Variants in PRIM2 observed in about 807,000 individuals in gnomAD.
PRIM2 encodes DNA primase subunit 2.
Under a neutral mutation model 67.3 loss-of-function variants are expected in PRIM2, and 39 were observed. That is an observed-to-expected ratio of 0.58 (90% CI 0.45 to 0.76). PRIM2 has a LOEUF of 0.76. Ranked by LOEUF, PRIM2 falls within the 30% of genes least tolerant of loss-of-function variation. PRIM2 has a pLI of 0.00. For synonymous variants in PRIM2, 143 were observed against 198.7 expected, an observed-to-expected ratio of 0.72 and a Z score of 2.36; for missense variants, 398 against 598.7, an observed-to-expected ratio of 0.66 and a Z score of 3.50.
intron 13 of PRIM2, among the ~76,000 whole-genome samples, chr6:57,638,479 C>T (rs1440899013): frequency 6.7e-6 from 1 of 148,360 alleles, no homozygotes; most frequent in Non-Finnish European, 1.5e-5. Context: ...AGTCAAGACC[C>T]ATCGGTGTGC....
At chr6:57,310,787 G>A (rs945920194), upstream of PRIM2, among the ~76,000 whole-genome samples, 15 of 149,474 alleles carry the variant, frequency 1.0e-4, no homozygotes, top group South Asian at 2.1e-4. Flanking sequence ...GACAAAGAGC[G>A]GCCAGGCAGA....
At chr6:57,288,489 C>T in the PRIM2 span, among the ~76,000 whole-genome samples, 1 of 152,200 alleles carries the variant, frequency 6.6e-6, no homozygotes, top group African/African-American at 2.4e-5. Flanking sequence ...CAGACTGCCT[C>T]CTCAAGTGGG....
At chr6:57,370,693 C>CTTTTTT (rs66953171) in intron 5 of PRIM2, among the ~76,000 whole-genome samples, 3 of 122,000 alleles carry the variant, frequency 2.5e-5, no homozygotes, top group Non-Finnish European at 5.0e-5. Flanking sequence ...CTATCTATAG[C>CTTTTTT]TTTTTTTTTT....
At chr6:57,485,841 G>A (rs1347021344) in intron 7 of PRIM2, among the ~76,000 whole-genome samples, 1 of 152,184 alleles carries the variant, frequency 6.6e-6, no homozygotes, top group Admixed American at 6.5e-5. Context: ...CAGGGTCACA[G>A]TTAAACAAGC....
chr6:57,339,617 A>G (rs1257767477), intron 5 of PRIM2, among the ~76,000 whole-genome samples: 2 of 152,186 alleles, frequency 1.3e-5, no homozygotes, highest in Admixed American at 6.5e-5. Context: ...AGGATTCCCT[A>G]TTTAATAAAT....
chr6:57,254,458 G>A, the PRIM2 span, among the ~76,000 whole-genome samples: 1 of 152,132 alleles, frequency 6.6e-6, no homozygotes, highest in African/African-American at 2.4e-5. Context: ...TGGCAGGCCG[G>A]GTCTCACTAA....
chr6:57,372,255 C>T (rs1436874736), intron 5 of PRIM2, among the ~76,000 whole-genome samples: 1 of 152,174 alleles, frequency 6.6e-6, no homozygotes, highest in African/African-American at 2.4e-5. Context: ...GTTTGTTTAG[C>T]TTTCCTGCAA....
chr6:57,307,594 A>G, the PRIM2 span, among the ~76,000 whole-genome samples: 3 of 152,126 alleles, frequency 2.0e-5, no homozygotes, highest in Admixed American at 6.5e-5. Context: ...GGGAACCACA[A>G]TGGATAGATA....
the PRIM2 span, among the ~76,000 whole-genome samples, chr6:57,266,466 T>A: frequency 6.6e-6 from 1 of 152,166 alleles, no homozygotes. Flanking sequence ...GCTCGACAAT[T>A]TTTTTGCAAC....
chr6:57,373,871 G>A (rs1337889458), intron 5 of PRIM2, among the ~76,000 whole-genome samples: 3 of 151,976 alleles, frequency 2.0e-5, no homozygotes, highest in African/African-American at 7.3e-5. Flanking sequence ...GTTTGAAATA[G>A]GGTAGTGTGA....
At chr6:57,640,149 A>G (rs1159107394) in intron 13 of PRIM2, among the ~76,000 whole-genome samples, 1 of 152,222 alleles carries the variant, frequency 6.6e-6, no homozygotes, top group African/African-American at 2.4e-5. Context: ...TGATTATCTC[A>G]ATAGATGCAG....
intron 10 of PRIM2, among the ~76,000 whole-genome samples, chr6:57,583,323 C>T (rs1189426465): frequency 1.2e-5 from 1 of 86,118 alleles, no homozygotes; most frequent in Non-Finnish European, 2.1e-5. Context: ...TGCTATCCCT[C>T]CCCCCTCCCC....
At chr6:57,479,173 T>C (rs1193316525) in intron 7 of PRIM2, among the ~76,000 whole-genome samples, 27 of 152,184 alleles carry the variant, frequency 1.8e-4, no homozygotes, top group Non-Finnish European at 3.2e-4. Context: ...TTTATTACAG[T>C]CATTCCGTAT....
At chr6:57,466,220 A>G (rs1344087921) in intron 7 of PRIM2, among the ~76,000 whole-genome samples, 4 of 152,302 alleles carry the variant, frequency 2.6e-5, no homozygotes, top group Non-Finnish European at 4.4e-5. Context: ...CAAGTCTATC[A>G]TTGATGGACA....
At chr6:57,351,099 G>T (rs2127300788) in intron 5 of PRIM2, among the ~76,000 whole-genome samples, 1 of 151,414 alleles carries the variant, frequency 6.6e-6, no homozygotes, top group East Asian at 1.9e-4. Flanking sequence ...TGAGACCCAA[G>T]TTGAGACATA....
At chr6:57,307,393 A>G in the PRIM2 span, among the ~76,000 whole-genome samples, 108 of 151,426 alleles carry the variant, frequency 7.1e-4, no homozygotes, top group Non-Finnish European at 1.2e-3. Flanking sequence ...AGCTGGGACT[A>G]TAGGCACCCG....
chr6:57,340,919 T>C (rs1465350464), intron 5 of PRIM2, among the ~76,000 whole-genome samples: 1 of 152,222 alleles, frequency 6.6e-6, no homozygotes, highest in Non-Finnish European at 1.5e-5. Flanking sequence ...ATGGGAAATG[T>C]ATGCAGTTTT....
intron 7 of PRIM2, among the ~76,000 whole-genome samples, chr6:57,449,764 A>T (rs1161985041): frequency 1.3e-5 from 2 of 152,158 alleles, no homozygotes; most frequent in Non-Finnish European, 2.9e-5. Context: ...TGTAACTTTA[A>T]TGGAAAGAAA....
the PRIM2 span, among the ~76,000 whole-genome samples, chr6:57,245,261 C>T: frequency 8.5e-5 from 13 of 152,230 alleles, no homozygotes; most frequent in East Asian, 1.9e-3. Flanking sequence ...CATGCTCCAT[C>T]GTCCTATCAT....
Sources: allele counts gnomAD v4.1 joint callset (sites outside exome capture counted in the v4.1 genomes callset), GRCh38; gene constraint gnomAD v4.1.1; transcripts MANE v1.5; gene names NCBI Gene and HGNC (gene_info 2026-07-23, HGNC 2026-07-21).